The following AKR1C3 variants were observed in gnomAD, a reference collection of about 807,000 sequenced individuals.
AKR1C3 encodes the protein 3-alpha hydroxysteroid dehydrogenase, type II.
AKR1C3 carries 48 observed loss-of-function variants against 43.6 expected under a neutral mutation model. That is an observed-to-expected ratio of 1.10 (90% confidence interval 0.87 to 1.40). The LOEUF (loss-of-function observed/expected upper bound fraction) is 1.40. Among genes scored for constraint, AKR1C3 ranks in the 40% most tolerant of loss-of-function variants. AKR1C3 has a pLI of 0.00. For synonymous variants in AKR1C3, 162 were observed against 139.6 expected (o/e 1.16, Z -1.13); for missense variants, 482 against 391.2 (o/e 1.23, Z -1.96).
At chr10:5,059,959 G>A (rs1218107824) in intron 1 of AKR1C3, among the ~76,000 whole-genome samples, 1 of 152,114 alleles carries the variant, frequency 6.6e-6, no homozygotes, top group East Asian at 1.9e-4. Flanking sequence ...TCCTTCTGAT[G>A]TTTGGATGTG....
chr10:5,059,655 G>A (rs1241119022), intron 1 of AKR1C3, among the ~76,000 whole-genome samples: 1 of 152,160 alleles, frequency 6.6e-6, no homozygotes, highest in Non-Finnish European at 1.5e-5. Context: ...TGGCTGACAG[G>A]TGCCCGGTAT....
At chr10:5,070,055 C>T (rs1838587444) in intron 1 of AKR1C3, among the ~76,000 whole-genome samples, 1 of 152,210 alleles carries the variant, frequency 6.6e-6, no homozygotes, top group African/African-American at 2.4e-5. Flanking sequence ...AGAGAAGACC[C>T]AGGTCCCTTA....
chr10:5,078,001 A>T (rs1554781995), intron 1 of AKR1C3: 1 of 684,790 alleles, frequency 1.5e-6, no homozygotes, highest in Non-Finnish European at 2.6e-6. Context: ...ATTTTCTAAG[A>T]TGTGACATTG....
rs1191640585 is a variant in AKR1C3 at position 5,102,344 on chromosome 10, T to A, written c.680+134T>A. 2.5e-6 allele frequency: 4 copies of A among 1,597,788 alleles called. No individual in the cohort carries two copies. The East Asian group carries it at 6.7e-5, about 27-fold the overall frequency. ...AAAGAGAATTGCATTTCTGACGAGA[T>A]CTTGGATGATGCTGATGGTGATGCT... is the stretch of plus-strand genomic sequence containing the variant. On this transcript the variant is annotated intron_variant, in intron 6 of 8. Coordinates refer to ENST00000380554, the MANE Select transcript of AKR1C3 (RefSeq NM_003739.6).
At chr10:5,073,119 C>T (rs1838645432) in intron 1 of AKR1C3, among the ~76,000 whole-genome samples, 1 of 151,850 alleles carries the variant, frequency 6.6e-6, no homozygotes, top group African/African-American at 2.4e-5. Context: ...AGGCACCACC[C>T]CACCCAGCTA....
At chr10:5,097,680 G>C (rs1332632224) in intron 3 of AKR1C3, 130 bp downstream of exon 3, 1 of 1,550,152 alleles carries the variant, frequency 6.5e-7, no homozygotes, top group Admixed American at 2.0e-5. Context: ...ACCGTAAGTG[G>C]AACACCTAAT....
chr10:5,067,245 A>G (rs1233874294), intron 1 of AKR1C3, among the ~76,000 whole-genome samples: 1 of 152,216 alleles, frequency 6.6e-6, no homozygotes, highest in Non-Finnish European at 1.5e-5. Flanking sequence ...AGAGAGGCAT[A>G]AGCAAGAAAA....
chr10:5,074,964 T>C (rs893912005), intron 1 of AKR1C3, among the ~76,000 whole-genome samples: 6 of 152,218 alleles, frequency 3.9e-5, no homozygotes, highest in Admixed American at 1.3e-4. Context: ...TGCTTCTCAA[T>C]ATCCCGCCCT....
intron 1 of AKR1C3, 127 bp from the exon 2 acceptor site, chr10:5,096,283 A>G: frequency 8.5e-7 from 1 of 1,172,046 alleles, no homozygotes; most frequent in Non-Finnish European, 1.2e-6. Context: ...AGGCAAACTG[A>G]GATGGACTTT....
intron 8 of AKR1C3, among the ~76,000 whole-genome samples, chr10:5,107,014 T>C (rs1839520267): frequency 6.6e-6 from 1 of 152,238 alleles, no homozygotes; most frequent in Non-Finnish European, 1.5e-5. Flanking sequence ...TATCTGTTCC[T>C]TTATATTTCA....
chr10:5,048,885 C>T (rs1554778643), exon 1 of AKR1C3: 3 of 1,613,002 alleles, frequency 1.9e-6, no homozygotes, highest in African/African-American at 2.7e-5. Flanking sequence ...GGCACCTATG[C>T]ACCTCCAGAG....
At chr10:5,094,252 A>G, upstream of AKR1C3, 1 of 439,986 alleles carries the variant, frequency 2.3e-6, no homozygotes, top group South Asian at 2.5e-5. Context: ...ATTCTCTTTG[A>G]TAAGAAACAA....
At chr10:5,077,849 C>A in intron 1 of AKR1C3, 1 of 535,266 alleles carries the variant, frequency 1.9e-6, no homozygotes, top group Non-Finnish European at 3.1e-6. Context: ...AAAAACTGTT[C>A]TCGGAGTTAT....
chr10:5,102,286 C>T, intron 6 of AKR1C3, 76 bp downstream of exon 6: 1 of 1,576,532 alleles, frequency 6.3e-7, no homozygotes, highest in Non-Finnish European at 8.7e-7. Context: ...CCTCAGTTTC[C>T]TGTAGTTAAG....
intron 4 of AKR1C3, 112 bp downstream of exon 4, chr10:5,098,991 A>C: frequency 1.0e-6 from 1 of 966,258 alleles, no homozygotes; most frequent in Admixed American, 2.8e-5. Context: ...AAATTCAGAA[A>C]CTTTACAAGA....
chr10:5,059,227 G>T (rs115600354), intron 1 of AKR1C3, among the ~76,000 whole-genome samples: 3,099 of 152,198 alleles, frequency 0.02, 110 homozygotes, highest in African/African-American at 0.071. Flanking sequence ...TAACAGAGTT[G>T]ATACTAGAAG....
chr10:5,104,461 T>TTTACTTTTCTGTA (rs1554786754), intron 7 of AKR1C3, among the ~76,000 whole-genome samples: 1 of 152,174 alleles, frequency 6.6e-6, no homozygotes, highest in Non-Finnish European at 1.5e-5. Flanking sequence ...AATTGACTTA[T>TTTACTTTTCTGTA]TTACTTTTCT....
At chr10:5,077,216 G>A (rs1442459923) in intron 1 of AKR1C3, among the ~76,000 whole-genome samples, 1 of 152,068 alleles carries the variant, frequency 6.6e-6, no homozygotes, top group Admixed American at 6.5e-5. Flanking sequence ...CTAATCACTT[G>A]ACCAAAGGGG....
At chr10:5,058,143 A>G (rs368604700) in intron 1 of AKR1C3, among the ~76,000 whole-genome samples, 291 of 152,184 alleles carry the variant, frequency 1.9e-3, no homozygotes, top group African/African-American at 6.6e-3. Context: ...AGGTTAGAGG[A>G]GGATTATCAT....
Sources: gnomAD v4.1 joint callset for allele counts (sites outside exome capture counted in the v4.1 genomes callset) on GRCh38, gnomAD v4.1.1 for gene constraint, MANE v1.5 for transcripts, NCBI Gene and HGNC (gene_info 2026-07-23, HGNC 2026-07-21) for gene names.